Variants in SYK observed in about 807,000 individuals in gnomAD.
SYK encodes tyrosine-protein kinase SYK.
SYK carries 16 observed loss-of-function variants against 77.8 expected under a neutral mutation model. That is an observed-to-expected ratio of 0.21 (90% CI 0.14 to 0.31). The LOEUF (loss-of-function observed/expected upper bound fraction) is 0.31. SYK is among the 10% of genes least tolerant of loss of function. The pLI is 1.00. For missense variants in SYK, 529 were observed against 814.4 expected, an observed-to-expected ratio of 0.65 and a Z score of 4.26; for synonymous variants, 312 against 308.7, an observed-to-expected ratio of 1.01 and a Z score of -0.11.
At chr9:90,892,982 G>A (rs1828852717) in intron 13 of SYK, among the ~76,000 whole-genome samples, 1 of 152,234 alleles carries the variant, frequency 6.6e-6, no homozygotes, top group East Asian at 1.9e-4. Context: ...GCTTTCCTCT[G>A]AGCGGCACAT....
chr9:90,810,514 C>G (rs1825032856), intron 1 of SYK, among the ~76,000 whole-genome samples: 1 of 152,106 alleles, frequency 6.6e-6, no homozygotes, highest in East Asian at 1.9e-4. Flanking sequence ...CACAATTCAA[C>G]CTGTAACAAA....
At chr9:90,889,686 G>C (rs571894447) in intron 13 of SYK, among the ~76,000 whole-genome samples, 1 of 152,258 alleles carries the variant, frequency 6.6e-6, no homozygotes, top group Non-Finnish European at 1.5e-5. Context: ...CTGCTGCCGT[G>C]GCTCAGGAGA....
chr9:90,865,240 G>A, intron 6 of SYK, 143 bp downstream of exon 6: 2 of 818,864 alleles, frequency 2.4e-6, no homozygotes, highest in Non-Finnish European at 4.1e-6. Flanking sequence ...GGGATTGCTA[G>A]TGAGTGTTAG....
intron 8 of SYK, 71 bp downstream of exon 8, chr9:90,874,362 G>A: frequency 2.0e-6 from 3 of 1,476,182 alleles, no homozygotes; most frequent in Non-Finnish European, 2.8e-6. Context: ...TTGTAGAGTT[G>A]GTTCACGAAT....
chr9:90,836,755 G>A (rs546191421), intron 1 of SYK, among the ~76,000 whole-genome samples: 47 of 152,166 alleles, frequency 3.1e-4, no homozygotes, highest in Non-Finnish European at 5.4e-4. Flanking sequence ...TAACACCATG[G>A]GTCCCATGTG....
In SYK at chr9:90,865,069, G is replaced by A. The variant is rs139520862; in HGVS notation, c.818G>A (p.Arg273His). 113 of 1,613,986 alleles carry A rather than the reference G, an allele frequency of 7.0e-5. No individual in the cohort carries two copies. Among genetic ancestry groups the A allele is most frequent in the Non-Finnish European group, 3.6e-5 (43 of 1,179,986 alleles). ...CCAGGAAATGTTAATTTTGGAGGCC[G>A]TCCACAACTTCCAGGTTCCCATCCT... ...GTQGNVNFGG[R>H]PQLPGSHPAT... Residue 273 changes from arginine (R) to histidine (H), a missense_variant, in exon 6 of 14, where the codon CGT becomes CAT. Around this residue, in one of 2 missense-constraint regions of SYK, gnomAD observed 321 missense variants for 433.1 expected, o/e 0.74. Transcript: ENST00000375754.
chr9:90,822,052 C>T (rs1825537941), intron 1 of SYK, among the ~76,000 whole-genome samples: 1 of 151,808 alleles, frequency 6.6e-6, no homozygotes, highest in Admixed American at 6.5e-5. Flanking sequence ...GGCTCTCAGG[C>T]ACATAACCCC....
intron 1 of SYK, among the ~76,000 whole-genome samples, chr9:90,841,401 CGT>C (rs1323391279): frequency 1.8e-5 from 1 of 55,420 alleles, no homozygotes; most frequent in Non-Finnish European, 4.2e-5. Flanking sequence ...TTGTGTATGA[CGT>C]GTGCAGTGTG....
intron 10 of SYK, 75 bp from the exon 11 acceptor site, chr9:90,878,689 G>T: frequency 7.7e-7 from 1 of 1,295,476 alleles, no homozygotes. Flanking sequence ...CCCACTGCCT[G>T]CGTGAGGAGC....
chr9:90,862,335 G>A lies in SYK; in HGVS notation c.708G>A (p.Thr236=), dbSNP rs200087795. ...LSIPEGKKFD[T]LWQLVEHYSY... ...TCCCCGAGGGAAAGAAGTTCGACAC[G>A]CTCTGGCAGGTACCCAGCCTCCTCT... Residue 236 remains threonine (T), a synonymous_variant, in exon 4 of 14, where the codon ACG becomes ACA. Transcript: ENST00000375754. 1.9e-5 allele frequency: 31 copies of A among 1,613,596 alleles called. No homozygotes were observed. Among genetic ancestry groups the A allele is most frequent in the South Asian group, 3.3e-5 (3 of 91,026 alleles).
intron 3 of SYK, among the ~76,000 whole-genome samples, chr9:90,857,530 A>T (rs1353710980): frequency 6.6e-6 from 1 of 152,160 alleles, no homozygotes; most frequent in Non-Finnish European, 1.5e-5. Flanking sequence ...TCAGATAGGG[A>T]TTGTGTACTG....
intron 3 of SYK, among the ~76,000 whole-genome samples, chr9:90,855,697 TGAGAGAGA>T (rs373151521): frequency 1.3e-5 from 2 of 150,188 alleles, no homozygotes; most frequent in Admixed American, 6.6e-5. Flanking sequence ...TGGGTGTGTG[TGAGAGAGA>T]GAGAGAGAGA....
intron 1 of SYK, among the ~76,000 whole-genome samples, chr9:90,818,517 C>A (rs1825382459): frequency 6.6e-6 from 1 of 152,208 alleles, no homozygotes; most frequent in South Asian, 2.1e-4. Flanking sequence ...TGCTTCCCTG[C>A]ACTTGACTTG....
At chr9:90,849,230 T>C (rs1826723332) in intron 3 of SYK, among the ~76,000 whole-genome samples, 1 of 152,232 alleles carries the variant, frequency 6.6e-6, no homozygotes, top group African/African-American at 2.4e-5. Context: ...GTACATATAC[T>C]TGCAAACCAA....
intron 1 of SYK, among the ~76,000 whole-genome samples, chr9:90,823,685 AT>A (rs1825588591): frequency 6.6e-6 from 1 of 152,230 alleles, no homozygotes; most frequent in African/African-American, 2.4e-5. Context: ...ATCTAAAAAA[AT>A]ATTTTGAAGT....
chr9:90,892,921 C>T (rs1173917523), intron 13 of SYK, among the ~76,000 whole-genome samples: 1 of 152,208 alleles, frequency 6.6e-6, no homozygotes, highest in Non-Finnish European at 1.5e-5. Flanking sequence ...CATGAATTCC[C>T]AGGACCTTGG....
At chr9:90,894,613 T>G (rs1172612459) in intron 13 of SYK, among the ~76,000 whole-genome samples, 1 of 152,248 alleles carries the variant, frequency 6.6e-6, no homozygotes, top group Non-Finnish European at 1.5e-5. Context: ...AATGGCTGAA[T>G]GTGGACGGTT....
intron 1 of SYK, among the ~76,000 whole-genome samples, chr9:90,823,782 C>T (rs1265139027): frequency 6.6e-6 from 1 of 151,764 alleles, no homozygotes; most frequent in African/African-American, 2.4e-5. Flanking sequence ...ACTAAGTGCA[C>T]ACATTAGGTA....
intron 1 of SYK, among the ~76,000 whole-genome samples, chr9:90,821,928 G>A (rs187231268): frequency 2.2e-3 from 341 of 151,960 alleles, no homozygotes; most frequent in African/African-American, 7.7e-3. Context: ...TAGTGCTGTC[G>A]GCCGTGAGTC....
Sources: gnomAD v4.1 joint callset for allele counts (sites outside exome capture counted in the v4.1 genomes callset) on GRCh38, gnomAD v4.1.1 for gene constraint, gnomAD v4.1.1 regional missense constraint, MANE v1.5 for transcripts, NCBI Gene and HGNC (gene_info 2026-07-23, HGNC 2026-07-21) for gene names.